The following HCFC1 variants were observed in gnomAD, a reference collection of about 807,000 sequenced individuals.
The protein encoded by HCFC1 is host cell factor C1, also known as host cell factor 1.
A neutral mutation model predicts 105.5 loss-of-function variants in HCFC1; 7 were observed. That is an observed-to-expected ratio of 0.07 (90% confidence interval 0.04 to 0.12). HCFC1 has a LOEUF of 0.12. HCFC1 is among the 10% of genes least tolerant of loss of function. The pLI is 1.00. For synonymous variants in HCFC1, 918 were observed against 828.1 expected (o/e 1.11, Z -1.86); for missense variants, 1,065 against 1,823.6 (o/e 0.58, Z 7.58).
At chrX:153,962,994 G>A (rs932797806) in intron 4 of HCFC1, among the ~76,000 whole-genome samples, 4 of 111,969 alleles carry the variant, frequency 3.6e-5, no homozygotes, top group East Asian at 2.8e-4. Flanking sequence ...TTATAAGCCC[G>A]CAGACCAATT....
chrX:153,954,241 G>C lies in HCFC1; in HGVS notation c.4158C>G (p.Thr1386=), dbSNP rs782136932. The change falls in exon 17 of 26, where the codon ACC becomes ACG. Residue 1386 remains threonine, a synonymous_variant. Coordinates refer to ENST00000310441, the MANE Select transcript of HCFC1 (RefSeq NM_005334.3). ...LLPDATSSHR[T]VESGLEVAAA... ...CCGCCACCTCTAGGCCAGACTCCACGGTCCTGTGGGAAGAAGTGGCGTCGG... is the reference window on the plus strand; with the variant it reads ...CCGCCACCTCTAGGCCAGACTCCACCGTCCTGTGGGAAGAAGTGGCGTCGG... 54 of 1,206,828 alleles carry C rather than the reference G, an allele frequency of 4.5e-5. No individual in the cohort carries two copies. In the South Asian group the frequency reaches 9.0e-4, roughly 20 times the overall value.
chrX:153,957,752 C>T (rs782412096), intron 12 of HCFC1, 30 bp downstream of exon 12: 5 of 1,108,192 alleles, frequency 4.5e-6, no homozygotes, highest in Non-Finnish European at 6.2e-6. Flanking sequence ...GGCCCCCACT[C>T]TTGCGTATGT....
rs1557113936 is a variant in HCFC1, at chrX:153,954,608, C to G, written c.3791G>C (p.Gly1264Ala). The change falls in exon 17 of 26, where the codon GGC (glycine) becomes GCC (alanine). Residue 1264 changes from glycine to alanine, a missense_variant. Transcript: ENST00000310441. The part of the protein sequence containing the change: ...MAPVCESLQG[G>A]SPSTTVTVTA... ...CACAGTCACTGTGGTGCTGGGCGAG[C>G]CACCCTGGAGGCTCTCGCACACAGG... The G allele has an allele frequency of 2.5e-6, 3 of 1,208,967 alleles. No individual in the cohort carries two copies. In the Admixed American group the frequency reaches 6.5e-5, roughly 26 times the overall value.
intron 6 of HCFC1, among the ~76,000 whole-genome samples, chrX:153,961,158 G>A (rs983126634): frequency 1.1e-4 from 12 of 112,518 alleles, no homozygotes; most frequent in African/African-American, 3.9e-4. Context: ...GTGGCACTGC[G>A]TGCGCCAGGC....
At position 153,951,835 on chromosome X, in the gene HCFC1, G is replaced by A. The variant is rs1158412632; in HGVS notation, c.5260+6C>T. ...CCCCAGCACCAATTCGCCCTCAGTC[G>A]CTTACTCTCAGTGGCCGTTGAGGGC... On this transcript the variant is annotated splice_donor_region_variant and intron_variant, in intron 20 of 25. Coordinates refer to ENST00000310441, the MANE Select transcript of HCFC1 (RefSeq NM_005334.3). 2.3e-5 allele frequency: 27 copies of A among 1,187,961 alleles called. No individual in the cohort carries two copies. The highest frequency in any genetic ancestry group is 2.3e-4 in the Middle Eastern group (1 of 4,264).
At chrX:153,968,876 C>A (rs1275741054) in intron 1 of HCFC1, among the ~76,000 whole-genome samples, 1 of 112,292 alleles carries the variant, frequency 8.9e-6, no homozygotes, top group Non-Finnish European at 1.9e-5. Context: ...AGCCCCACCA[C>A]TGGAGAAGCC....
intron 17 of HCFC1, 67 bp downstream of exon 17, chrX:153,953,999 G>A (rs946625269): frequency 5.4e-6 from 6 of 1,110,820 alleles, no homozygotes; most frequent in Admixed American, 2.5e-5. Context: ...CCCCGCCATC[G>A]TTGTCTTGGC....
At chrX:153,965,177 T>C (rs782264551) in intron 1 of HCFC1, among the ~76,000 whole-genome samples, 1 of 111,139 alleles carries the variant, frequency 9.0e-6, no homozygotes, top group South Asian at 3.8e-4. Flanking sequence ...CAGTGACCGC[T>C]GCAGGCTACG....
chrX:153,965,449 C>G (rs1455831285), intron 1 of HCFC1, among the ~76,000 whole-genome samples: 8 of 107,802 alleles, frequency 7.4e-5, no homozygotes, highest in Non-Finnish European at 1.5e-4. Context: ...GGCACAGCAG[C>G]CTTCAGCTGG....
intron 24 of HCFC1, 73 bp from the exon 25 acceptor site, chrX:153,949,689 G>A (rs1196187591): frequency 1.3e-5 from 12 of 941,817 alleles, no homozygotes; most frequent in African/African-American, 1.9e-5. Flanking sequence ...CGCCCTGCCC[G>A]CCTGCAGAGT....
At chrX:153,958,496 C>T (rs1557115791) in intron 10 of HCFC1, 73 bp downstream of exon 10, 3 of 994,510 alleles carry the variant, frequency 3.0e-6, no homozygotes, top group East Asian at 3.1e-5. Context: ...CACGGTCCAA[C>T]GGCTAACTCT....
chrX:153,950,135 G>A, intron 24 of HCFC1, 108 bp downstream of exon 24: 2 of 844,870 alleles, frequency 2.4e-6, no homozygotes, highest in Non-Finnish European at 3.3e-6. Flanking sequence ...AAAGGAAGCA[G>A]GGAGACGCCG....
rs1380359247 is a variant in HCFC1, at chrX:153,949,446, TGCTGGTGCAGGGC to T, written c.6069-73_6069-61del. 8.8e-6 allele frequency: 10 copies of T among 1,130,298 alleles called. No homozygotes were observed. In the African/African-American group the frequency reaches 1.6e-4, roughly 19 times the overall value. The allele number at this position is 1,130,298 out of a possible 1,213,427, so 93.1% of individuals were successfully genotyped here. On this transcript the variant is annotated intron_variant, in intron 25 of 25. Coordinates refer to ENST00000310441, the MANE Select transcript of HCFC1 (RefSeq NM_005334.3). The stretch of plus-strand genomic sequence containing the variant: ...GTGGGCCCTGCACCACTGGAGGCCC[TGCTGGTGCAGGGC>T]CGGTTAGGGGCCCCCAGTCATTTGA...
chrX:153,958,505 C>T, intron 10 of HCFC1, 64 bp downstream of exon 10: 1 of 1,052,225 alleles, frequency 9.5e-7, no homozygotes, highest in Non-Finnish European at 1.3e-6. Flanking sequence ...ACGGCTAACT[C>T]TAAAGCCCGG....
At chrX:153,950,583 G>T in intron 23 of HCFC1, 40 bp from the exon 24 acceptor site, 6 of 1,093,711 alleles carry the variant, frequency 5.5e-6, no homozygotes, top group Non-Finnish European at 6.1e-6. Context: ...GAACAGGCTA[G>T]AGGCTTCCAG....
At chrX:153,963,781 G>A (rs2065450942) in intron 3 of HCFC1, among the ~76,000 whole-genome samples, 1 of 112,728 alleles carries the variant, frequency 8.9e-6, no homozygotes, top group Non-Finnish European at 1.9e-5. Flanking sequence ...CCTTGGCCAC[G>A]GGCCTTGGAA....
chrX:153,954,670 G>C lies in HCFC1; in HGVS notation c.3729C>G (p.Thr1243=). 3 of 1,207,078 alleles carry C rather than the reference G, an allele frequency of 2.5e-6. No homozygotes were observed. The highest frequency in any genetic ancestry group is 3.4e-6 in the Non-Finnish European group (3 of 893,473). Residue 1243 remains threonine (T), a synonymous_variant, in exon 17 of 26, where the codon ACC becomes ACG. Transcript: ENST00000310441. ...HSHAVSTAAM[T]RSSVGAGEPR... ...GCTCCCCAGCACCCACGCTGGAACG[G>C]GTCATGGCAGCGGTGCTGACCGCAT...
intron 1 of HCFC1, among the ~76,000 whole-genome samples, chrX:153,966,746 C>T (rs1227419043): frequency 8.9e-6 from 1 of 112,485 alleles, no homozygotes; most frequent in Non-Finnish European, 1.9e-5. Context: ...TTGAAGCAAC[C>T]GATCTGTGCC....
rs2065284194 is a variant in HCFC1, at chrX:153,949,083, AGGGTG to A, written c.*259_*263del. 3.5e-6 allele frequency: 1 copy of A among 289,232 alleles called. No individual in the cohort carries two copies. The highest frequency in any genetic ancestry group is 6.1e-6 in the Non-Finnish European group (1 of 164,248). The allele number at this position is 289,232 out of a possible 1,213,427, so 23.8% of individuals were successfully genotyped here. A position where few individuals can be genotyped will look rare whatever the true frequency, so the allele number is the denominator to read the frequency against. ...TCCCTCCCCGCAAAAGTCTCTCCCCAGGGTGGGCGGCAGCGGGGAGGAAAGGAAGC... is the reference window on the plus strand; with the variant it reads ...TCCCTCCCCGCAAAAGTCTCTCCCCAGGCGGCAGCGGGGAGGAAAGGAAGC... On this transcript the variant is annotated 3_prime_UTR_variant, in exon 26 of 26. Coordinates refer to ENST00000310441, the MANE Select transcript of HCFC1 (RefSeq NM_005334.3).
Sources: allele counts gnomAD v4.1 joint callset (sites outside exome capture counted in the v4.1 genomes callset), GRCh38; gene constraint gnomAD v4.1.1; transcripts MANE v1.5; gene names NCBI Gene and HGNC (gene_info 2026-07-23, HGNC 2026-07-21).